Variants in TAS2R1 observed in about 807,000 individuals in gnomAD.
The protein encoded by TAS2R1 is taste receptor type 2 member 1.
For missense variants in TAS2R1, 370 were observed against 353.4 expected (o/e 1.05, Z -0.38); for synonymous variants, 141 against 134.2 (o/e 1.05, Z -0.35).
chr5:9,842,551 G>A, the TAS2R1 span, among the ~76,000 whole-genome samples: 1 of 151,984 alleles, frequency 6.6e-6, no homozygotes. Flanking sequence ...TCAAACTCCT[G>A]AGCTCAGGCA....
At chr5:9,731,115 C>T in the TAS2R1 span, among the ~76,000 whole-genome samples, 1 of 152,108 alleles carries the variant, frequency 6.6e-6, no homozygotes, top group South Asian at 2.1e-4. Flanking sequence ...ACCAGCTGAG[C>T]ACACCAGCAC....
At chr5:9,719,257 C>T in the TAS2R1 span, among the ~76,000 whole-genome samples, 2 of 151,784 alleles carry the variant, frequency 1.3e-5, 1 homozygote, top group Non-Finnish European at 2.9e-5. Flanking sequence ...TGTGTGTACA[C>T]AGAGAAAGAG....
chr5:9,722,738 T>A, the TAS2R1 span, among the ~76,000 whole-genome samples: 1 of 152,196 alleles, frequency 6.6e-6, no homozygotes, highest in Non-Finnish European at 1.5e-5. Context: ...GAAAAATACC[T>A]CCTGGTATTT....
chr5:9,843,478 CT>C, the TAS2R1 span, among the ~76,000 whole-genome samples: 1 of 152,182 alleles, frequency 6.6e-6, no homozygotes, highest in Non-Finnish European at 1.5e-5. Context: ...ACGATTTTCA[CT>C]TTTAATCTGT....
chr5:9,638,130 C>T (rs1739999731), intron 2 of TAS2R1, among the ~76,000 whole-genome samples: 1 of 152,200 alleles, frequency 6.6e-6, no homozygotes, highest in Non-Finnish European at 1.5e-5. Context: ...CAATGTGGTG[C>T]TCTCTTTCTT....
chr5:9,880,059 G>A, the TAS2R1 span, among the ~76,000 whole-genome samples: 1 of 152,062 alleles, frequency 6.6e-6, no homozygotes, highest in Non-Finnish European at 1.5e-5. Flanking sequence ...TAACATACTC[G>A]AGTTCTACAA....
At chr5:9,748,155 C>G in the TAS2R1 span, among the ~76,000 whole-genome samples, 2,015 of 152,200 alleles carry the variant, frequency 0.013, 45 homozygotes, top group African/African-American at 0.046. Flanking sequence ...GAGAGCTATT[C>G]TAGCATTTAA....
At chr5:9,806,898 A>T in the TAS2R1 span, among the ~76,000 whole-genome samples, 6 of 152,298 alleles carry the variant, frequency 3.9e-5, no homozygotes, top group East Asian at 1.2e-3. Flanking sequence ...AGATAAATAG[A>T]TGGGAATTAA....
At chr5:9,728,450 G>C in the TAS2R1 span, among the ~76,000 whole-genome samples, 2 of 152,250 alleles carry the variant, frequency 1.3e-5, no homozygotes, top group Admixed American at 1.3e-4. Flanking sequence ...CACAGTCACT[G>C]TTGGCAGACC....
At chr5:9,640,451 C>G (rs1379478531) in intron 2 of TAS2R1, among the ~76,000 whole-genome samples, 4 of 136,242 alleles carry the variant, frequency 2.9e-5, no homozygotes, top group African/African-American at 1.1e-4. Context: ...AAAAATGACC[C>G]CGATAAACTT....
the TAS2R1 span, among the ~76,000 whole-genome samples, chr5:9,813,932 A>AT: frequency 6.6e-6 from 1 of 151,968 alleles, no homozygotes; most frequent in Non-Finnish European, 1.5e-5. Flanking sequence ...CTCTTCCAAG[A>AT]TTTTTCCTTC....
chr5:9,634,113 T>C (rs916092601), upstream of TAS2R1, among the ~76,000 whole-genome samples: 1 of 152,180 alleles, frequency 6.6e-6, no homozygotes, highest in Non-Finnish European at 1.5e-5. Context: ...TTGAGGTTGT[T>C]TTTATAAGGT....
rs1739790931 is a variant in TAS2R1, at chr5:9,628,135, T to TCTAC, written c.*997_*998insGTAG. The stretch of plus-strand genomic sequence containing the variant: ...TATATCTATCTCCATAATTTATCTA[T>TCTAC]CTATCTATCTATCTATCTATCTATC... On this transcript the variant is annotated 3_prime_UTR_variant, in exon 1 of 1. Transcript: ENST00000382492. Among the ~76,000 whole-genome samples the TCTAC allele has an allele frequency of 7.5e-6, 1 of 133,232 alleles. No homozygotes were observed. The highest frequency in any genetic ancestry group is 1.6e-5 in the Non-Finnish European group (1 of 60,622). The allele number at this position is 133,232 out of a possible 152,430, so 87.4% of individuals were successfully genotyped here.
At chr5:9,886,558 TCCTGA>T in the TAS2R1 span, among the ~76,000 whole-genome samples, 1 of 151,912 alleles carries the variant, frequency 6.6e-6, no homozygotes, top group Non-Finnish European at 1.5e-5. Context: ...GGTCTCCAAC[TCCTGA>T]CCTCAGATGA....
At chr5:9,782,546 A>T in the TAS2R1 span, among the ~76,000 whole-genome samples, 1 of 152,196 alleles carries the variant, frequency 6.6e-6, no homozygotes, top group Non-Finnish European at 1.5e-5. Context: ...AGGGCAAGTC[A>T]AAGCAAGACC....
chr5:9,706,292 G>C (rs1463932373), intron 1 of TAS2R1, among the ~76,000 whole-genome samples: 1 of 152,146 alleles, frequency 6.6e-6, no homozygotes, highest in Non-Finnish European at 1.5e-5. Flanking sequence ...TAGAGCCCTG[G>C]CCATACTCAG....
chr5:9,779,360 C>T, the TAS2R1 span, among the ~76,000 whole-genome samples: 5 of 152,162 alleles, frequency 3.3e-5, no homozygotes, highest in African/African-American at 9.7e-5. Flanking sequence ...TAAATCTCAT[C>T]GTTATAAATT....
the TAS2R1 span, among the ~76,000 whole-genome samples, chr5:9,724,362 T>C: frequency 6.9e-6 from 1 of 144,060 alleles, no homozygotes; most frequent in Admixed American, 6.8e-5. Context: ...TTTTTTTTTT[T>C]ACTATGTTGA....
chr5:9,789,867 T>C, the TAS2R1 span, among the ~76,000 whole-genome samples: 1 of 152,222 alleles, frequency 6.6e-6, no homozygotes, highest in South Asian at 2.1e-4. Context: ...AACAAGTATA[T>C]TGGCTGTGGT....
Sources: gnomAD v4.1 joint callset for allele counts (sites outside exome capture counted in the v4.1 genomes callset) on GRCh38, gnomAD v4.1.1 for gene constraint, MANE v1.5 for transcripts, NCBI Gene and HGNC (gene_info 2026-07-23, HGNC 2026-07-21) for gene names.